ASTN2: variants seen among roughly 807,000 people sequenced by gnomAD.
ASTN2 encodes astrotactin-2.
A neutral mutation model predicts 139.8 loss-of-function variants in ASTN2; 54 were observed. That is an observed-to-expected ratio of 0.39 (90% CI 0.31 to 0.48). The LOEUF is 0.48. Ranked by LOEUF, ASTN2 falls within the 20% of genes least tolerant of loss-of-function variation. The pLI is 0.95. For missense variants in ASTN2, 1,565 were observed against 1,725.1 expected (o/e 0.91, Z 1.64); for synonymous variants, 756 against 719.5 (o/e 1.05, Z -0.81).
intron 19 of ASTN2, among the ~76,000 whole-genome samples, chr9:116,504,901 A>AAAAC (rs1246455556): frequency 2.0e-5 from 3 of 149,800 alleles, no homozygotes; most frequent in Non-Finnish European, 4.4e-5. Context: ...GTCTCAAAAA[A>AAAAC]AAAAAAAAAA....
chr9:117,306,941 G>T (rs1835014834), intron 1 of ASTN2, among the ~76,000 whole-genome samples: 1 of 152,170 alleles, frequency 6.6e-6, no homozygotes, highest in African/African-American at 2.4e-5. Flanking sequence ...TGATGGGCAG[G>T]TGTGCCTATC....
At chr9:117,151,207 G>A (rs1830320114) in intron 3 of ASTN2, among the ~76,000 whole-genome samples, 1 of 152,002 alleles carries the variant, frequency 6.6e-6, no homozygotes, top group African/African-American at 2.4e-5. Context: ...TAAACCATTA[G>A]TCATATAGTC....
At chr9:117,319,409 T>A (rs1271973928) in intron 1 of ASTN2, among the ~76,000 whole-genome samples, 1 of 152,122 alleles carries the variant, frequency 6.6e-6, no homozygotes, top group Admixed American at 6.5e-5. Context: ...TTCATCCCAG[T>A]CTACTTCACA....
chr9:116,599,629 T>C (rs770772957), intron 19 of ASTN2, among the ~76,000 whole-genome samples: 1 of 152,072 alleles, frequency 6.6e-6, no homozygotes, highest in Non-Finnish European at 1.5e-5. Flanking sequence ...GAAGATTGAA[T>C]ATAGGGGCAA....
intron 5 of ASTN2, among the ~76,000 whole-genome samples, chr9:117,062,447 G>T (rs2132690439): frequency 6.6e-6 from 1 of 152,278 alleles, no homozygotes. Context: ...AAAATACAGT[G>T]CTTTGGGCCC....
intron 2 of ASTN2, among the ~76,000 whole-genome samples, chr9:117,282,602 G>T (rs1255956152): frequency 6.6e-6 from 1 of 151,248 alleles, no homozygotes; most frequent in Non-Finnish European, 1.5e-5. Context: ...TTGGCTCTGG[G>T]CTTGGCCATG....
At position 116,447,456 on chromosome 9, in the gene ASTN2, A is replaced by G. The variant is rs137873726; in HGVS notation, c.3498-4903T>C. Among the ~76,000 whole-genome samples the G allele has an allele frequency of 2.0e-5, 3 of 152,302 alleles. No individual in the cohort carries two copies. In the East Asian group the frequency reaches 5.8e-4, roughly 29 times the overall value. On this transcript the variant is annotated intron_variant, in intron 20 of 22. Coordinates refer to ENST00000313400, the MANE Select transcript of ASTN2 (RefSeq NM_001365068.1). ...CAACGCTCAGCACACACAGGTCAGA[A>G]TGAATGAGGTTCATTTCCCTTTCCT...
intron 1 of ASTN2, among the ~76,000 whole-genome samples, chr9:117,402,926 C>G (rs895115433): frequency 2.0e-5 from 3 of 151,930 alleles, no homozygotes; most frequent in African/African-American, 7.3e-5. Flanking sequence ...GCCAGGTGAA[C>G]GAGGAATACA....
chr9:116,595,847 G>A (rs1854548375), intron 19 of ASTN2, among the ~76,000 whole-genome samples: 3 of 152,144 alleles, frequency 2.0e-5, no homozygotes. Context: ...GAAAGGCGAA[G>A]CCACTATGAA....
rs74959780 is a variant in ASTN2, at chr9:116,766,682, C to T, written c.2397-33159G>A. The stretch of plus-strand genomic sequence containing the variant: ...TCACATACACAAATACACACATTCA[C>T]ACTCACACATTCATAGTCATACACT... On this transcript the variant is annotated intron_variant, in intron 13 of 22. Coordinates refer to ENST00000313400, the MANE Select transcript of ASTN2 (RefSeq NM_001365068.1). Among the ~76,000 whole-genome samples the T allele has an allele frequency of 1.1e-4, 17 of 152,222 alleles. No individual in the cohort carries two copies. In the East Asian group the frequency reaches 3.3e-3, roughly 29 times the overall value.
intron 7 of ASTN2, among the ~76,000 whole-genome samples, chr9:117,002,344 A>G (rs1837214654): frequency 6.6e-6 from 1 of 152,224 alleles, no homozygotes; most frequent in Non-Finnish European, 1.5e-5. Context: ...TGGAAGGTAG[A>G]TGATTAAAGG....
At chr9:116,835,295 C>G (rs1208445005) in intron 11 of ASTN2, among the ~76,000 whole-genome samples, 1 of 152,110 alleles carries the variant, frequency 6.6e-6, no homozygotes, top group Non-Finnish European at 1.5e-5. Flanking sequence ...CAATCTGGCT[C>G]TGGCATAACA....
At chr9:117,187,145 A>C (rs1039704899) in intron 3 of ASTN2, among the ~76,000 whole-genome samples, 1 of 152,182 alleles carries the variant, frequency 6.6e-6, no homozygotes, top group Non-Finnish European at 1.5e-5. Flanking sequence ...AGAAAGAAAA[A>C]AATAGAAAAA....
At chr9:117,258,290 C>T (rs191973410) in intron 2 of ASTN2, among the ~76,000 whole-genome samples, 211 of 152,236 alleles carry the variant, frequency 1.4e-3, no homozygotes, top group Middle Eastern at 3.4e-3. Flanking sequence ...AGAGTCTCTG[C>T]GGGCATTAAT....
intron 13 of ASTN2, among the ~76,000 whole-genome samples, chr9:116,775,603 G>GAAAGAAGGAA (rs1305128572): frequency 5.1e-5 from 2 of 39,132 alleles, no homozygotes; most frequent in Non-Finnish European, 9.1e-5. Flanking sequence ...GAGGGAGGGA[G>GAAAGAAGGAA]GGAAAGAAGG....
At chr9:116,902,508 A>C (rs1444283491) in intron 10 of ASTN2, among the ~76,000 whole-genome samples, 4 of 152,162 alleles carry the variant, frequency 2.6e-5, no homozygotes, top group African/African-American at 9.7e-5. Flanking sequence ...ATTGTGTTAC[A>C]ATTGCCTACA....
intron 2 of ASTN2, among the ~76,000 whole-genome samples, chr9:117,231,409 G>C (rs1832887796): frequency 6.6e-6 from 1 of 152,140 alleles, no homozygotes; most frequent in Non-Finnish European, 1.5e-5. Context: ...CATGAAATTT[G>C]AGTTCAAATC....
intron 16 of ASTN2, among the ~76,000 whole-genome samples, chr9:116,664,284 T>C (rs1195668960): frequency 6.6e-6 from 1 of 151,854 alleles, no homozygotes; most frequent in East Asian, 1.9e-4. Context: ...CCTCACTATG[T>C]TGCCTAGGTT....
intron 11 of ASTN2, among the ~76,000 whole-genome samples, chr9:116,862,159 C>A (rs940087593): frequency 1.3e-5 from 2 of 152,124 alleles, no homozygotes; most frequent in East Asian, 3.9e-4. Flanking sequence ...ATCTCCTGAC[C>A]TTTGTCTGTT....
Sources: allele counts gnomAD v4.1 joint callset (sites outside exome capture counted in the v4.1 genomes callset), GRCh38; gene constraint gnomAD v4.1.1; transcripts MANE v1.5; gene names NCBI Gene and HGNC (gene_info 2026-07-23, HGNC 2026-07-21).